VPS37A: variants seen among roughly 807,000 people sequenced by gnomAD.
The protein encoded by VPS37A is vacuolar protein sorting-associated protein 37A.
A neutral mutation model predicts 49.8 loss-of-function variants in VPS37A; 30 were observed. The ratio of observed to expected loss-of-function variants is 0.60; its 90% confidence interval spans 0.45 to 0.82. VPS37A has a LOEUF of 0.82. Among genes scored for constraint, VPS37A ranks in the 40% least tolerant of loss-of-function variants. The pLI, the probability that VPS37A is intolerant of heterozygous loss-of-function variation, is 0.00. For missense variants in VPS37A, 593 were observed against 464.4 expected, an observed-to-expected ratio of 1.28 and a Z score of -2.55; for synonymous variants, 195 against 160.6, an observed-to-expected ratio of 1.21 and a Z score of -1.62.
intron 11 of VPS37A, among the ~76,000 whole-genome samples, chr8:17,294,276 C>G (rs1189046850): frequency 6.6e-6 from 1 of 152,164 alleles, no homozygotes; most frequent in African/African-American, 2.4e-5. Flanking sequence ...ACTACTCAAA[C>G]CTCATTAATG....
chr8:17,287,342 G>A (rs1433858416), intron 11 of VPS37A, among the ~76,000 whole-genome samples: 2 of 152,084 alleles, frequency 1.3e-5, no homozygotes, highest in Non-Finnish European at 2.9e-5. Flanking sequence ...GAGGCTGCTT[G>A]TTTGGTTGTT....
At chr8:17,271,117 T>G (rs1469565449) in intron 4 of VPS37A, among the ~76,000 whole-genome samples, 1 of 152,218 alleles carries the variant, frequency 6.6e-6, no homozygotes, top group Non-Finnish European at 1.5e-5. Flanking sequence ...GAAATGATTC[T>G]TCATAGAGTA....
At chr8:17,266,904 C>G (rs112743394) in intron 2 of VPS37A, among the ~76,000 whole-genome samples, 3,997 of 152,166 alleles carry the variant, frequency 0.026, 181 homozygotes, top group African/African-American at 0.092. Context: ...TCTTGAGTAG[C>G]TGGGATTACA....
the VPS37A span, among the ~76,000 whole-genome samples, chr8:17,308,128 GTCTT>G: frequency 6.6e-6 from 1 of 151,804 alleles, no homozygotes. Context: ...GGGAATTTTA[GTCTT>G]TTATGGCTTC....
At chr8:17,247,683 G>C in intron 1 of VPS37A, 1 of 703,038 alleles carries the variant, frequency 1.4e-6, no homozygotes, top group Non-Finnish European at 2.6e-6. Context: ...TGCTGCCCAG[G>C]CTTCGCCACT....
intron 1 of VPS37A, among the ~76,000 whole-genome samples, chr8:17,248,732 G>A (rs1443664065): frequency 6.6e-6 from 1 of 152,200 alleles, no homozygotes; most frequent in African/African-American, 2.4e-5. Flanking sequence ...AATAAGGCCT[G>A]ATGCTGACTG....
chr8:17,310,614 C>G, the VPS37A span, among the ~76,000 whole-genome samples: 3 of 152,180 alleles, frequency 2.0e-5, no homozygotes, highest in African/African-American at 7.2e-5. Flanking sequence ...GCAAGGGTAT[C>G]ACTTTGAGGT....
intron 1 of VPS37A, among the ~76,000 whole-genome samples, chr8:17,251,950 C>T (rs930014220): frequency 1.3e-5 from 2 of 152,140 alleles, no homozygotes; most frequent in African/African-American, 4.8e-5. Context: ...CCCCCTATCT[C>T]ATGGGATTCT....
At chr8:17,317,589 A>G in the VPS37A span, among the ~76,000 whole-genome samples, 3 of 152,144 alleles carry the variant, frequency 2.0e-5, no homozygotes, top group Non-Finnish European at 4.4e-5. Flanking sequence ...GTGTATCACC[A>G]TCTTCTCTTG....
chr8:17,249,058 T>C (rs1380076199), intron 1 of VPS37A, among the ~76,000 whole-genome samples: 1 of 152,232 alleles, frequency 6.6e-6, no homozygotes, highest in African/African-American at 2.4e-5. Flanking sequence ...GAAACACTTT[T>C]TTAGAACCAC....
intron 1 of VPS37A, among the ~76,000 whole-genome samples, chr8:17,260,943 G>GA (rs1456865304): frequency 6.6e-6 from 1 of 152,116 alleles, no homozygotes; most frequent in Non-Finnish European, 1.5e-5. Flanking sequence ...ATATGCCTAG[G>GA]AGTAGCCTTA....
chr8:17,286,255 C>A, intron 10 of VPS37A, 92 bp from the exon 11 acceptor site: 1 of 965,494 alleles, frequency 1.0e-6, no homozygotes, highest in Non-Finnish European at 1.5e-6. Flanking sequence ...ATAATGCCAA[C>A]AAGTTAAAAG....
downstream of VPS37A, chr8:17,304,396 TG>T (rs1221326098): frequency 6.2e-7 from 1 of 1,612,910 alleles, no homozygotes; most frequent in Non-Finnish European, 8.5e-7. Context: ...TGAAGTTACA[TG>T]GTGTTGTAGG....
chr8:17,306,753 A>G (rs1817480799), downstream of VPS37A, among the ~76,000 whole-genome samples: 1 of 152,322 alleles, frequency 6.6e-6, no homozygotes, highest in South Asian at 2.1e-4. Flanking sequence ...GAGTGGGAAC[A>G]TTGGAAATTG....
At chr8:17,313,671 T>C in the VPS37A span, among the ~76,000 whole-genome samples, 1 of 152,204 alleles carries the variant, frequency 6.6e-6, no homozygotes, top group Non-Finnish European at 1.5e-5. Context: ...CTAATATTAA[T>C]GAAAATCATT....
At chr8:17,282,920 A>C (rs1461833215) in intron 9 of VPS37A, among the ~76,000 whole-genome samples, 2 of 152,186 alleles carry the variant, frequency 1.3e-5, no homozygotes, top group African/African-American at 4.8e-5. Context: ...CTGTACACCT[A>C]ATATCTGGTT....
In VPS37A at chr8:17,274,972, G is replaced by T; in HGVS notation, c.642+14G>T. The T allele has an allele frequency of 1.2e-6, 2 of 1,608,226 alleles. No homozygotes were observed. The highest frequency in any genetic ancestry group is 4.5e-5 in the East Asian group (2 of 44,818). ...GCTTCAATACCGGTTGGTATCGTCA[G>T]TTATCTATATTTTGTGCCACTGAAA... On this transcript the variant is annotated intron_variant, in intron 5 of 11. Transcript: ENST00000324849.
chr8:17,280,466 C>T, intron 9 of VPS37A, 23 bp downstream of exon 9: 1 of 1,573,870 alleles, frequency 6.4e-7, no homozygotes, highest in Non-Finnish European at 8.6e-7. Context: ...ATTTTTTTCC[C>T]TTTGCCATAG....
chr8:17,286,641 T>C, intron 11 of VPS37A: 1 of 457,640 alleles, frequency 2.2e-6, no homozygotes, highest in Non-Finnish European at 3.8e-6. Context: ...GATCTTGGCA[T>C]GAATGAGATT....
Sources: allele counts gnomAD v4.1 joint callset (sites outside exome capture counted in the v4.1 genomes callset), GRCh38; gene constraint gnomAD v4.1.1; transcripts MANE v1.5; gene names NCBI Gene and HGNC (gene_info 2026-07-23, HGNC 2026-07-21).